The following MSI2 variants were observed in gnomAD, a reference collection of about 807,000 sequenced individuals.
MSI2 encodes RNA-binding protein Musashi homolog 2.
MSI2 carries 17 observed loss-of-function variants against 45.6 expected under a neutral mutation model. The observed-to-expected ratio is 0.37, with a 90% confidence interval of 0.26 to 0.56. MSI2 has a LOEUF of 0.56. Ranked by LOEUF, MSI2 falls within the 20% of genes least tolerant of loss-of-function variation. MSI2 has a pLI of 0.77. For synonymous variants in MSI2, 156 were observed against 158.2 expected (o/e 0.99, Z 0.11); for missense variants, 293 against 444.2 (o/e 0.66, Z 3.06).
At chr17:57,353,238 T>C (rs1916164825) in intron 5 of MSI2, among the ~76,000 whole-genome samples, 1 of 152,210 alleles carries the variant, frequency 6.6e-6, no homozygotes, top group East Asian at 1.9e-4. Context: ...ATTATCGGAG[T>C]TGTACTGACC....
intron 6 of MSI2, among the ~76,000 whole-genome samples, chr17:57,464,141 C>T (rs2085286861): frequency 6.6e-6 from 1 of 151,758 alleles, no homozygotes; most frequent in Admixed American, 6.6e-5. Flanking sequence ...AAAGAAGTGA[C>T]CTGGAGGTAG....
Position 57,280,317 on chromosome 17 carries a change from C to G in MSI2, c.312+18125C>G, listed in dbSNP as rs550486499. On this transcript the variant is annotated intron_variant, in intron 5 of 13. Transcript: ENST00000284073. The surrounding 1 kb of genome is among the most constrained non-coding windows in gnomAD (Gnocchi z 4.2). ...GAAAATATCTCTCTGACAGTCTACA[C>G]GAAAAGTGGCTTGTGGGTACCCCAG... 2.0e-5 allele frequency among the ~76,000 whole-genome samples: 3 copies of G among 152,136 alleles called. No individual in the cohort carries two copies. Among genetic ancestry groups the G allele is most frequent in the Admixed American group, 6.5e-5 (1 of 15,276 alleles).
intron 9 of MSI2, among the ~76,000 whole-genome samples, chr17:57,622,091 C>T (rs753411540): frequency 5.3e-5 from 8 of 152,114 alleles, no homozygotes; most frequent in Non-Finnish European, 1.0e-4. Context: ...CCTAGCTACT[C>T]GGGAGGCTGA....
chr17:57,299,571 C>T (rs1222913137), intron 5 of MSI2, among the ~76,000 whole-genome samples: 1 of 152,138 alleles, frequency 6.6e-6, no homozygotes, highest in African/African-American at 2.4e-5. Flanking sequence ...TTAGAACACA[C>T]ACAATATTTA....
intron 5 of MSI2, among the ~76,000 whole-genome samples, chr17:57,333,729 C>A (rs1024209300): frequency 3.3e-5 from 5 of 151,806 alleles, no homozygotes; most frequent in African/African-American, 1.2e-4. Context: ...AGGCATGAGC[C>A]ACTGTGCCTG....
chr17:57,655,906 T>A (rs1157934410), intron 11 of MSI2, among the ~76,000 whole-genome samples: 1 of 152,206 alleles, frequency 6.6e-6, no homozygotes, highest in Non-Finnish European at 1.5e-5. Flanking sequence ...TGATTTTTTT[T>A]ATTAGTTACA....
chr17:57,659,792 G>T (rs1374863791), intron 11 of MSI2, among the ~76,000 whole-genome samples: 11 of 152,166 alleles, frequency 7.2e-5, no homozygotes, highest in Admixed American at 7.2e-4. Context: ...TCAGCTTCTA[G>T]CTCTATATAG....
At chr17:57,363,824 A>G (rs138506653) in intron 5 of MSI2, among the ~76,000 whole-genome samples, 6 of 152,318 alleles carry the variant, frequency 3.9e-5, no homozygotes, top group Non-Finnish European at 8.8e-5. Flanking sequence ...TAATAAATGA[A>G]GGCTGATGGG....
At chr17:57,297,760 A>G (rs925675471) in intron 5 of MSI2, among the ~76,000 whole-genome samples, 2 of 152,178 alleles carry the variant, frequency 1.3e-5, no homozygotes, top group Non-Finnish European at 2.9e-5. Flanking sequence ...TTTAGGTAAT[A>G]TTATTAATCC....
chr17:57,575,321 G>A (rs961307164), intron 7 of MSI2, among the ~76,000 whole-genome samples: 5 of 152,082 alleles, frequency 3.3e-5, no homozygotes, highest in Non-Finnish European at 5.9e-5. Flanking sequence ...ATGCTCAAAC[G>A]TCCTATCTTG....
At chr17:57,598,060 C>T (rs1392902075) in intron 8 of MSI2, among the ~76,000 whole-genome samples, 1 of 152,188 alleles carries the variant, frequency 6.6e-6, no homozygotes, top group Non-Finnish European at 1.5e-5. Flanking sequence ...CTCCTTTCTT[C>T]GGATTGAGTA....
At chr17:57,342,972 G>C (rs1163769446) in intron 5 of MSI2, among the ~76,000 whole-genome samples, 1 of 152,134 alleles carries the variant, frequency 6.6e-6, no homozygotes, top group Non-Finnish European at 1.5e-5. Context: ...ACCAGTTAAA[G>C]AGTTCTGTGA....
At chr17:57,431,331 G>A (rs1049191430) in intron 6 of MSI2, among the ~76,000 whole-genome samples, 1 of 152,204 alleles carries the variant, frequency 6.6e-6, no homozygotes, top group African/African-American at 2.4e-5. Context: ...GGTGGCACCA[G>A]CTCCTTGGGC....
intron 10 of MSI2, among the ~76,000 whole-genome samples, chr17:57,645,138 A>G (rs1438034870): frequency 1.3e-5 from 2 of 152,234 alleles, no homozygotes; most frequent in Non-Finnish European, 2.9e-5. Context: ...GTGCATCAGA[A>G]TCATCCGGAA....
At chr17:57,256,989 G>A in intron 1 of MSI2, 109 bp from the exon 2 acceptor site, 1 of 1,567,272 alleles carries the variant, frequency 6.4e-7, no homozygotes, top group African/African-American at 1.5e-5. Context: ...CCACCTCCCG[G>A]CTCTCGCTCG....
intron 6 of MSI2, among the ~76,000 whole-genome samples, chr17:57,443,338 T>A (rs1170445029): frequency 6.6e-6 from 1 of 152,142 alleles, no homozygotes; most frequent in Non-Finnish European, 1.5e-5. Context: ...GTGCCGCGTG[T>A]TTGTGGCAGC....
At chr17:57,617,620 T>G (rs1490114059) in intron 9 of MSI2, among the ~76,000 whole-genome samples, 1 of 140,172 alleles carries the variant, frequency 7.1e-6, no homozygotes, top group African/African-American at 2.6e-5. Context: ...TCTAAGCTGG[T>G]AGTTTTAAAT....
chr17:57,434,139 G>A (rs1035344094), intron 6 of MSI2, among the ~76,000 whole-genome samples: 8 of 151,932 alleles, frequency 5.3e-5, no homozygotes, highest in African/African-American at 9.7e-5. Context: ...TTGCTCTGTC[G>A]CCCAGGCTGG....
chr17:57,462,680 T>A (rs1458184647), intron 6 of MSI2, among the ~76,000 whole-genome samples: 1 of 152,194 alleles, frequency 6.6e-6, no homozygotes, highest in East Asian at 1.9e-4. Flanking sequence ...CTTAAAGCAT[T>A]TCCTCCTCAA....
Sources: allele counts gnomAD v4.1 joint callset (sites outside exome capture counted in the v4.1 genomes callset), GRCh38; gene constraint gnomAD v4.1.1; non-coding constraint Gnocchi (gnomAD v3.1); transcripts MANE v1.5; gene names NCBI Gene and HGNC (gene_info 2026-07-23, HGNC 2026-07-21).